Variants in HEMK1 observed in about 807,000 individuals in gnomAD.
The protein encoded by HEMK1 is MTRF1L release factor glutamine methyltransferase.
Under a neutral mutation model 47.9 loss-of-function variants are expected in HEMK1, and 36 were observed. The ratio of observed to expected loss-of-function variants is 0.75; its 90% CI spans 0.58 to 0.99. The LOEUF (loss-of-function observed/expected upper bound fraction) is 0.99, where lower values mean the gene tolerates loss of function less well. Ranked by LOEUF, HEMK1 falls within the 50% of genes least tolerant of loss-of-function variation. The pLI, the probability that HEMK1 is intolerant of heterozygous loss-of-function variation, is 0.00. For missense variants in HEMK1, 383 were observed against 434.5 expected (o/e 0.88, Z 1.05); for synonymous variants, 153 against 165.4 (o/e 0.93, Z 0.57).
In HEMK1 at chr3:50,577,144, A is replaced by T; in HGVS notation, c.507A>T (p.Gly169=). Residue 169 remains glycine, a synonymous_variant, in exon 5 of 11, where the codon GGA becomes GGT. Coordinates refer to ENST00000232854, the MANE Select transcript of HEMK1 (RefSeq NM_016173.5). ...GSPLILEVGC[G]SGAISLSLLS... ...CCCTCATTCTGGAGGTGGGCTGCGG[A>T]TCAGGAGCCATCTCCCTCAGCCTGC... The T allele has an allele frequency of 3.7e-6, 6 of 1,613,364 alleles. No individual in the cohort carries two copies. The highest frequency in any genetic ancestry group is 5.1e-6 in the Non-Finnish European group (6 of 1,179,902).
intron 3 of HEMK1, 144 bp from the exon 4 acceptor site, chr3:50,571,970 AG>A: frequency 1.1e-6 from 1 of 924,332 alleles, no homozygotes; most frequent in Non-Finnish European, 1.5e-6. Flanking sequence ...GAAGGGAGGG[AG>A]GGAGGGTTTT....
At position 50,584,504 on chromosome 3, in the gene HEMK1, G is replaced by C. The variant is rs1157748751; in HGVS notation, c.*4087G>C. On this transcript the variant is annotated 3_prime_UTR_variant, in exon 11 of 11. Transcript: ENST00000232854. ...AGGTAAACTGAGTATAATCACAAGG[G>C]CCTCTGTAAAGGAGGCAGGAGTGTC... The C allele has an allele frequency of 3.9e-5, 6 of 152,246 alleles. No homozygotes were observed. The highest frequency in any genetic ancestry group is 1.9e-4 in the East Asian group (1 of 5,198). 9.4% of individuals were successfully genotyped at this position (152,246 alleles called of 1,614,324 possible).
chr3:50,579,780 T>C, intron 8 of HEMK1, 64 bp from the exon 9 acceptor site: 3 of 1,190,066 alleles, frequency 2.5e-6, no homozygotes, highest in Non-Finnish European at 3.7e-6. Context: ...GCCTTGCCCA[T>C]GCCCTCCATG....
Position 50,590,594 on chromosome 3 carries a change from C to G in HEMK1, c.*10177C>G, listed in dbSNP as rs1399177329. On this transcript the variant is annotated 3_prime_UTR_variant, in exon 11 of 11. Coordinates refer to ENST00000232854, the MANE Select transcript of HEMK1 (RefSeq NM_016173.5). ...AGAGTGAAAGGATGGACGAAAGGAA[C>G]TCCTGTGGGGTGGGGCATCTGGGGC... 6.6e-6 allele frequency: 1 copy of G among 152,024 alleles called. No homozygotes were observed. The highest frequency in any genetic ancestry group is 2.4e-5 in the African/African-American group (1 of 41,352). 9.4% of individuals were successfully genotyped at this position (152,024 alleles called of 1,614,324 possible).
At position 50,587,371 on chromosome 3, in the gene HEMK1, G is replaced by C. The variant is rs572622918; in HGVS notation, c.*6954G>C. ...ACCAGGGAGATGATACCAAGTGGAG[G>C]GTCCTATAGAATATGGTGCATCCTG... On this transcript the variant is annotated 3_prime_UTR_variant, in exon 11 of 11. Coordinates refer to ENST00000232854, the MANE Select transcript of HEMK1 (RefSeq NM_016173.5). This position sits in a 1 kb window ranked among gnomAD's most constrained non-coding sequence, Gnocchi z 4.2. 2 of 152,182 alleles carry C rather than the reference G, an allele frequency of 1.3e-5. No homozygotes were observed. The highest frequency in any genetic ancestry group is 2.9e-5 in the Non-Finnish European group (2 of 68,042). The allele number at this position is 152,182 out of a possible 1,614,324, so 9.4% of individuals were successfully genotyped here.
intron 9 of HEMK1, 82 bp from the exon 10 acceptor site, chr3:50,580,034 C>A: frequency 6.6e-7 from 1 of 1,518,154 alleles, no homozygotes; most frequent in Non-Finnish European, 9.1e-7. Flanking sequence ...AGCACAGGAC[C>A]CTCACCTCGC....
chr3:50,577,390 G>C (rs1701699272), intron 5 of HEMK1, 119 bp from the exon 6 acceptor site: 1 of 1,204,836 alleles, frequency 8.3e-7, no homozygotes, highest in East Asian at 2.3e-5. Flanking sequence ...AGAAGAAAAG[G>C]CTGTTGGGTA....
intron 6 of HEMK1, 110 bp from the exon 7 acceptor site, chr3:50,577,716 G>A: frequency 7.4e-7 from 1 of 1,353,702 alleles, no homozygotes. Flanking sequence ...AATGGGTAGT[G>A]GGCAGTGAGT....
intron 4 of HEMK1, among the ~76,000 whole-genome samples, chr3:50,572,797 C>T (rs1701156799): frequency 6.6e-6 from 1 of 152,256 alleles, no homozygotes; most frequent in Non-Finnish European, 1.5e-5. Flanking sequence ...AGTGTGTTAT[C>T]CCTTGGTAAG....
Position 50,577,529 on chromosome 3 carries a change from TA to T in HEMK1, c.572del (p.Lys191SerfsTer8). On this transcript the variant is annotated frameshift_variant, in exon 6 of 11. Transcript: ENST00000232854. LOFTEE classifies it high-confidence loss of function. ...GACAGAGCCGAGTCATTGCTGTGGA[TA>T]AGCGGGAAGCTGCTATCTCTCTGAC... The part of the protein sequence containing the change: ...LPQSRVIAVD[K>X]REAAISLTHE... The T allele has an allele frequency of 6.2e-7, 1 of 1,614,190 alleles. No individual in the cohort carries two copies. The highest frequency in any genetic ancestry group is 8.5e-7 in the Non-Finnish European group (1 of 1,180,026).
At position 50,593,872 on chromosome 3, in the gene HEMK1, C is replaced by T. The variant is rs2107548257; in HGVS notation, c.*13455C>T. The T allele has an allele frequency of 6.6e-6, 1 of 152,196 alleles. No homozygotes were observed. The highest frequency in any genetic ancestry group is 1.9e-4 in the East Asian group (1 of 5,174). The allele number at this position is 152,196 out of a possible 1,614,324, so 9.4% of individuals were successfully genotyped here. Reference sequence around the variant, plus strand: ...GAGTAGCTGGGATTACAGGCGTCCACCACCATGCCAGGCTAATTTTTTTTT... The same window carrying T: ...GAGTAGCTGGGATTACAGGCGTCCATCACCATGCCAGGCTAATTTTTTTTT... On this transcript the variant is annotated 3_prime_UTR_variant, in exon 11 of 11. Coordinates refer to ENST00000232854, the MANE Select transcript of HEMK1 (RefSeq NM_016173.5).
rs2030559531 is a variant in HEMK1, at chr3:50,580,110, A to G, written c.867-6A>G. 1 of 1,611,250 alleles carries G rather than the reference A, an allele frequency of 6.2e-7. No homozygotes were observed. Among genetic ancestry groups the G allele is most frequent in the Non-Finnish European group, 8.5e-7 (1 of 1,177,540 alleles). On this transcript the variant is annotated splice_region_variant and splice_polypyrimidine_tract_variant and intron_variant, in intron 9 of 10. Transcript: ENST00000232854. ...TGCTGAGCCCACCCATTTCTCCCCC[A>G]TGTAGTAGTATCTTCTTAGAAGTGG...
In HEMK1 at chr3:50,579,730, C is replaced by T. The variant is rs79281262; in HGVS notation, c.771-114C>T. ...TCTCTGGGTCCTCAGATTTGCCCTTCAGCCCAGAGTGTAAGTTCCACAGGG... is the reference window on the plus strand; with the variant it reads ...TCTCTGGGTCCTCAGATTTGCCCTTTAGCCCAGAGTGTAAGTTCCACAGGG... On this transcript the variant is annotated intron_variant, in intron 8 of 10. Coordinates refer to ENST00000232854, the MANE Select transcript of HEMK1 (RefSeq NM_016173.5). The T allele has an allele frequency of 6.5e-4, 489 of 750,300 alleles. 2 individuals carry two copies. The African/African-American group carries it at 8.0e-3, about 12-fold the overall frequency. The allele number at this position is 750,300 out of a possible 1,614,324, so 46.5% of individuals were successfully genotyped here.
In HEMK1 at chr3:50,594,592, C is replaced by T. The variant is rs1190845474; in HGVS notation, c.*14175C>T. The T allele has an allele frequency of 6.6e-6, 1 of 152,334 alleles. No individual in the cohort carries two copies. The highest frequency in any genetic ancestry group is 2.4e-5 in the African/African-American group (1 of 41,472). 9.4% of individuals were successfully genotyped at this position (152,334 alleles called of 1,614,324 possible). ...CCCACAGAGTAGTTGCAATGGTGAG[C>T]TGAGGTTTTCTCTGCTGCAGAGGCC... On this transcript the variant is annotated 3_prime_UTR_variant, in exon 11 of 11. Coordinates refer to ENST00000232854, the MANE Select transcript of HEMK1 (RefSeq NM_016173.5).
chr3:50,577,622 G>T, intron 6 of HEMK1, 49 bp downstream of exon 6: 1 of 1,562,714 alleles, frequency 6.4e-7, no homozygotes, highest in Non-Finnish European at 8.8e-7. Context: ...TCCTTTTCAG[G>T]TTTCAAACTC....
chr3:50,571,489 T>G, intron 2 of HEMK1, 157 bp downstream of exon 2: 1 of 676,096 alleles, frequency 1.5e-6, no homozygotes, highest in Non-Finnish European at 2.6e-6. Context: ...TAACAGTTTG[T>G]TGGATGAATG....
intron 5 of HEMK1, 130 bp downstream of exon 5, chr3:50,577,316 C>T: frequency 1.7e-6 from 2 of 1,211,330 alleles, no homozygotes; most frequent in Non-Finnish European, 1.2e-6. Context: ...ACAGGGCTGC[C>T]CCTAGCCCAC....
chr3:50,581,618 G>A lies in HEMK1; in HGVS notation c.*1201G>A, dbSNP rs1461265726. 6.6e-6 allele frequency: 1 copy of A among 152,262 alleles called. No homozygotes were observed. The highest frequency in any genetic ancestry group is 1.5e-5 in the Non-Finnish European group (1 of 68,054). 9.4% of individuals were successfully genotyped at this position (152,262 alleles called of 1,614,324 possible). A position where few individuals can be genotyped will look rare whatever the true frequency, so the allele number is the denominator to read the frequency against. Reference sequence around the variant, plus strand: ...GCAACCTCTTTACTCTTAGTCAAGTGGAATGTGCATGCTGGCATCTGAATG... The same window carrying A: ...GCAACCTCTTTACTCTTAGTCAAGTAGAATGTGCATGCTGGCATCTGAATG... On this transcript the variant is annotated 3_prime_UTR_variant, in exon 11 of 11. Transcript: ENST00000232854.
At chr3:50,576,947 A>G (rs548756810) in intron 4 of HEMK1, 105 bp from the exon 5 acceptor site, 2 of 1,396,882 alleles carry the variant, frequency 1.4e-6, no homozygotes, top group South Asian at 1.3e-5. Context: ...GGCTTTGGCT[A>G]CCTCCCCTTC....
Sources: gnomAD v4.1 joint callset for allele counts (sites outside exome capture counted in the v4.1 genomes callset) on GRCh38, gnomAD v4.1.1 for gene constraint, Gnocchi (gnomAD v3.1) non-coding constraint, MANE v1.5 for transcripts, NCBI Gene and HGNC (gene_info 2026-07-23, HGNC 2026-07-21) for gene names.